RALGAPA2: variants seen among roughly 807,000 people sequenced by gnomAD.
The protein encoded by RALGAPA2 is Ral GTPase activating protein catalytic subunit alpha 2.
A neutral mutation model predicts 230.4 loss-of-function variants in RALGAPA2; 139 were observed. That is an observed-to-expected ratio of 0.60 (90% CI 0.53 to 0.69). The LOEUF (loss-of-function observed/expected upper bound fraction) is 0.69, where lower values mean the gene tolerates loss of function less well. Among genes scored for constraint, RALGAPA2 ranks in the 30% least tolerant of loss-of-function variants. The pLI is 0.00. For missense variants in RALGAPA2, 2,163 were observed against 2,276.0 expected (o/e 0.95, Z 1.01); for synonymous variants, 847 against 837.8 (o/e 1.01, Z -0.19).
In RALGAPA2 at chr20:20,571,874, T is replaced by G. The variant is rs772988269; in HGVS notation, c.2974A>C (p.Arg992=). 9 of 1,611,352 alleles carry G rather than the reference T, an allele frequency of 5.6e-6. No homozygotes were observed. The highest frequency in any genetic ancestry group is 7.6e-6 in the Non-Finnish European group (9 of 1,178,472). ...TTAAACAGCCATGATGCAAACATTC[T>G]GAGTGGTGGGATCAAAACTGGAGGA... The part of the protein sequence containing the change: ...PSPPVLIPPL[R]MFASWLFKAA... Residue 992 remains arginine, a synonymous_variant, in exon 22 of 40, where the codon AGA becomes CGA. Transcript: ENST00000202677.
At chr20:20,500,329 T>A (rs2062336696) in intron 35 of RALGAPA2, among the ~76,000 whole-genome samples, 1 of 152,210 alleles carries the variant, frequency 6.6e-6, no homozygotes, top group Admixed American at 6.5e-5. Context: ...GAAATTGGAG[T>A]AATATTTTCA....
intron 23 of RALGAPA2, among the ~76,000 whole-genome samples, chr20:20,556,188 ATCAGATGAATCAGCTCGCTCCC>A (rs1183212979): frequency 2.0e-5 from 3 of 152,228 alleles, no homozygotes; most frequent in Non-Finnish European, 4.4e-5. Context: ...ATGATTCTCC[ATCAGATGAATCAGCTCGCTCCC>A]TCAGCCCCAA....
chr20:20,579,166 C>T (rs1322125664), intron 20 of RALGAPA2, among the ~76,000 whole-genome samples: 1 of 152,150 alleles, frequency 6.6e-6, no homozygotes, highest in Non-Finnish European at 1.5e-5. Context: ...GTGATAACCA[C>T]ACTAAATAAA....
rs754796306 is a variant in RALGAPA2 at position 20,503,359 on chromosome 20, T to C, written c.5200A>G (p.Thr1734Ala). The C allele has an allele frequency of 1.9e-6, 3 of 1,587,820 alleles. No homozygotes were observed. Among genetic ancestry groups the C allele is most frequent in the Non-Finnish European group, 8.6e-7 (1 of 1,163,438 alleles). ...RMPSDSDDSL[T>A]KKLRHLGNDE... ...CCGAGGAGACCCCTTACCTTTTTGGTGAGGGAATCATCTGAGTCTGACGGC... is the reference window on the plus strand; with the variant it reads ...CCGAGGAGACCCCTTACCTTTTTGGCGAGGGAATCATCTGAGTCTGACGGC... Residue 1734 changes from threonine to alanine, a missense_variant, in exon 35 of 40, where the codon ACC becomes GCC. By Grantham distance (58) the Thr-to-Ala change is moderately conservative. Transcript: ENST00000202677.
intron 23 of RALGAPA2, among the ~76,000 whole-genome samples, chr20:20,562,733 C>T (rs937056296): frequency 5.9e-5 from 9 of 152,138 alleles, no homozygotes; most frequent in African/African-American, 1.7e-4. Flanking sequence ...ACCTCATAAC[C>T]GAAACCTCTG....
chr20:20,394,794 G>A lies in RALGAPA2; in HGVS notation c.*36-1541C>T, dbSNP rs6137020. Among the ~76,000 whole-genome samples, 25 of 150,054 alleles carry A rather than the reference G, an allele frequency of 1.7e-4. 1 individual carries two copies. In the East Asian group the frequency reaches 3.4e-3, roughly 20 times the overall value. On this transcript the variant is annotated intron_variant, in intron 39 of 39. Coordinates refer to ENST00000202677, the MANE Select transcript of RALGAPA2 (RefSeq NM_020343.4). ...TGGGCACTGGCATTTAATCCAGGGT[G>A]TGGGGCAGCATGGGAGAACAGACTT... is the stretch of plus-strand genomic sequence containing the variant.
chr20:20,663,652 C>T (rs1038829762), intron 3 of RALGAPA2, among the ~76,000 whole-genome samples: 6 of 152,072 alleles, frequency 3.9e-5, no homozygotes, highest in Admixed American at 3.3e-4. Flanking sequence ...AGCACAGTGG[C>T]GCGATCTCAG....
At chr20:20,595,680 G>T (rs1345832272) in intron 16 of RALGAPA2, among the ~76,000 whole-genome samples, 2 of 152,174 alleles carry the variant, frequency 1.3e-5, no homozygotes, top group Admixed American at 1.3e-4. Context: ...CAGACCGGAC[G>T]TGGTGGCTCA....
At chr20:20,453,240 T>C (rs1369780086) in intron 37 of RALGAPA2, among the ~76,000 whole-genome samples, 1 of 152,206 alleles carries the variant, frequency 6.6e-6, no homozygotes, top group Admixed American at 6.5e-5. Context: ...TCTCTCCAGG[T>C]GACCCAAGAG....
rs1276803491 is a variant in RALGAPA2, at chr20:20,524,855, T to C, written c.3737A>G (p.Tyr1246Cys). The C allele has an allele frequency of 6.2e-7, 1 of 1,610,248 alleles. No individual in the cohort carries two copies. Among genetic ancestry groups the C allele is most frequent in the East Asian group, 2.2e-5 (1 of 44,808 alleles). The change falls in exon 29 of 40, where the codon TAC (tyrosine) becomes TGC (cysteine). Residue 1246 changes from tyrosine (Y) to cysteine (C), a missense_variant. Physicochemically the swap from Tyr to Cys is radical, Grantham distance 194 (BLOSUM62 -2). Transcript: ENST00000202677. ...TVAFLLPSAE[Y>C]SSVETDKKFI... Reference sequence around the variant, plus strand: ...CTTCTTGTCTGTTTCCACTGAGGAGTACTCTGCACTTGGTAAAAGAAAAGC... The same window carrying C: ...CTTCTTGTCTGTTTCCACTGAGGAGCACTCTGCACTTGGTAAAAGAAAAGC...
At chr20:20,544,101 T>C (rs1464776594) in intron 24 of RALGAPA2, among the ~76,000 whole-genome samples, 2 of 151,640 alleles carry the variant, frequency 1.3e-5, no homozygotes, top group Non-Finnish European at 2.9e-5. Flanking sequence ...AGATACCACC[T>C]CACACCAGTT....
In RALGAPA2 at chr20:20,422,107, A is replaced by C. The variant is rs192369568; in HGVS notation, c.5496-9959T>G. Among the ~76,000 whole-genome samples the C allele has an allele frequency of 7.6e-3, 1,163 of 152,330 alleles. 9 individuals are homozygous for C. The highest frequency in any genetic ancestry group is 0.011 in the Admixed American group (174 of 15,292). ...AATTAATACAGACAGAAAGGAAATC[A>C]GTGGCTGCTTGGGGCCAGAGGCAGG... On this transcript the variant is annotated intron_variant, in intron 37 of 39. Transcript: ENST00000202677.
At chr20:20,528,268 A>G (rs1013847728) in intron 27 of RALGAPA2, among the ~76,000 whole-genome samples, 1 of 152,210 alleles carries the variant, frequency 6.6e-6, no homozygotes, top group Non-Finnish European at 1.5e-5. Flanking sequence ...TAGAACACCA[A>G]CAGAGTGCCA....
chr20:20,531,358 G>A (rs182850840), intron 27 of RALGAPA2, among the ~76,000 whole-genome samples: 1 of 152,346 alleles, frequency 6.6e-6, no homozygotes, highest in Admixed American at 6.5e-5. Flanking sequence ...TCCCAGGCCT[G>A]CTGAAGAGGC....
chr20:20,400,482 G>A (rs1050998545), intron 38 of RALGAPA2, among the ~76,000 whole-genome samples: 1 of 152,052 alleles, frequency 6.6e-6, no homozygotes, highest in Non-Finnish European at 1.5e-5. Flanking sequence ...AATTTTCCTG[G>A]CATTTTTTTC....
At chr20:20,496,899 AC>A (rs1463331729) in intron 35 of RALGAPA2, among the ~76,000 whole-genome samples, 1 of 152,160 alleles carries the variant, frequency 6.6e-6, no homozygotes, top group Non-Finnish European at 1.5e-5. Flanking sequence ...CTGTGCCTAT[AC>A]CATTGTACCT....
intron 9 of RALGAPA2, 88 bp downstream of exon 9, chr20:20,635,330 A>G (rs753593276): frequency 2.2e-6 from 3 of 1,364,956 alleles, no homozygotes; most frequent in African/African-American, 1.5e-5. Context: ...GTAAGAACCA[A>G]TAACTCTAAC....
chr20:20,396,241 G>A (rs962863330), intron 39 of RALGAPA2, among the ~76,000 whole-genome samples: 9 of 152,198 alleles, frequency 5.9e-5, no homozygotes, highest in African/African-American at 1.9e-4. Flanking sequence ...AGCAGCCCCC[G>A]CCACAACCTG....
Position 20,619,280 on chromosome 20 carries a change from C to T in RALGAPA2, c.1536G>A (p.Leu512=). 6.3e-7 allele frequency: 1 copy of T among 1,598,186 alleles called. No individual in the cohort carries two copies. The highest frequency in any genetic ancestry group is 2.2e-5 in the East Asian group (1 of 44,524). The change falls in exon 12 of 40, where the codon TTG becomes TTA. Residue 512 remains leucine, a synonymous_variant. Coordinates refer to ENST00000202677, the MANE Select transcript of RALGAPA2 (RefSeq NM_020343.4). ...TNVKAGVQAL[L]QVFLTNSANI... is the part of the protein sequence containing the mutation. ...CATGTCCTGGCCAGCCACATACCTG[C>T]AACAAAGCCTGGACGCCGGCTTTCA...
Sources: gnomAD v4.1 joint callset for allele counts (sites outside exome capture counted in the v4.1 genomes callset) on GRCh38, gnomAD v4.1.1 for gene constraint, MANE v1.5 for transcripts, NCBI Gene and HGNC (gene_info 2026-07-23, HGNC 2026-07-21) for gene names.